Variants in NKD1 observed in about 807,000 individuals in gnomAD.
NKD1 encodes the protein NKD inhibitor of Wnt signaling pathway 1, also known as protein naked cuticle homolog 1.
In NKD1, 21 loss-of-function variants were observed where a neutral mutation model predicts 56.0. The observed-to-expected ratio is 0.38, with a 90% CI of 0.27 to 0.54. The LOEUF (loss-of-function observed/expected upper bound fraction) is 0.54. Among genes scored for constraint, NKD1 ranks in the 20% least tolerant of loss-of-function variants. NKD1 has a pLI of 0.82. For missense variants in NKD1, 578 were observed against 642.7 expected (o/e 0.90, Z 1.09); for synonymous variants, 263 against 265.7 (o/e 0.99, Z 0.10).
At chr16:50,606,501 T>C (rs1961712904) in intron 3 of NKD1, 2 of 332,002 alleles carry the variant, frequency 6.0e-6, no homozygotes, top group Admixed American at 3.9e-5. Flanking sequence ...TTTCTGAGTG[T>C]GTCAGAGAGC....
At chr16:50,622,214 G>A (rs1244537213) in intron 5 of NKD1, among the ~76,000 whole-genome samples, 2 of 152,238 alleles carry the variant, frequency 1.3e-5, no homozygotes, top group Non-Finnish European at 2.9e-5. Context: ...AGTGCTTAGA[G>A]GAGGGAGTAG....
rs566417668 is a variant in NKD1, at chr16:50,602,311, G to A, written c.193-5983G>A. On this transcript the variant is annotated intron_variant, in intron 3 of 9. Transcript: ENST00000268459. ...AGAGATCTGCCCATTGATGGGATGC[G>A]GGCTGGAACCCCAGAAGGTCTGTGC... Among the ~76,000 whole-genome samples, 5 of 152,256 alleles carry A rather than the reference G, an allele frequency of 3.3e-5. No homozygotes were observed. The East Asian group carries it at 5.8e-4, about 18-fold the overall frequency.
Position 50,630,325 on chromosome 16 carries a change from A to G in NKD1, c.602A>G (p.Asn201Ser), listed in dbSNP as rs760791820. The G allele has an allele frequency of 5.0e-6, 8 of 1,613,978 alleles. No homozygotes were observed. The African/African-American group carries it at 8.0e-5, about 16-fold the overall frequency. ...GSQSKRSVLV[N>S]QADLQSARPR... The stretch of plus-strand genomic sequence containing the variant: ...CAGAGCAAGAGGAGCGTCCTTGTCA[A>G]TCAGGCTGGTGAGGGCTGCAGGGCT... The change falls in exon 7 of 10, where the codon AAT (asparagine) becomes AGT (serine). Residue 201 changes from asparagine to serine, a missense_variant. Coordinates refer to ENST00000268459, the MANE Select transcript of NKD1 (RefSeq NM_033119.5).
At chr16:50,627,051 G>A (rs8047222) in intron 6 of NKD1, among the ~76,000 whole-genome samples, 90,552 of 151,930 alleles carry the variant, frequency 0.6, 27,791 homozygotes, top group Non-Finnish European at 0.66. Flanking sequence ...TGTGGTTTTC[G>A]GGCTGTTTCA....
At chr16:50,597,178 A>G (rs754143095) in intron 3 of NKD1, among the ~76,000 whole-genome samples, 15 of 152,034 alleles carry the variant, frequency 9.9e-5, no homozygotes, top group Non-Finnish European at 2.2e-4. Context: ...GGAGGTGGCA[A>G]TGATTGGTTT....
intron 6 of NKD1, among the ~76,000 whole-genome samples, chr16:50,629,584 C>A (rs565042433): frequency 1.3e-5 from 2 of 152,240 alleles, no homozygotes; most frequent in Non-Finnish European, 2.9e-5. Context: ...TTGGCCCCTG[C>A]AGGGAAGCCC....
At chr16:50,550,304 C>T (rs926961362) in intron 3 of NKD1, among the ~76,000 whole-genome samples, 5 of 151,992 alleles carry the variant, frequency 3.3e-5, no homozygotes, top group Non-Finnish European at 4.4e-5. Context: ...GCGTGGAACT[C>T]GCGCAAGCCT....
intron 3 of NKD1, among the ~76,000 whole-genome samples, chr16:50,576,218 A>T (rs1567338564): frequency 6.6e-6 from 1 of 152,160 alleles, no homozygotes; most frequent in Non-Finnish European, 1.5e-5. Flanking sequence ...GGTCAGATGG[A>T]GGCTTGATGG....
intron 6 of NKD1, among the ~76,000 whole-genome samples, chr16:50,629,113 G>A (rs747590739): frequency 6.6e-6 from 1 of 152,046 alleles, no homozygotes; most frequent in Non-Finnish European, 1.5e-5. Flanking sequence ...CTACAGGTGT[G>A]CACCACCACA....
At position 50,598,262 on chromosome 16, in the gene NKD1, T is replaced by TGTGTGTGTGCGCGCGCGC. The variant is rs138964473; in HGVS notation, c.193-10031_193-10030insTGTGTGTGCGCGCGCGCG. On this transcript the variant is annotated intron_variant, in intron 3 of 9. Coordinates refer to ENST00000268459, the MANE Select transcript of NKD1 (RefSeq NM_033119.5). The surrounding 1 kb of genome is among the most constrained non-coding windows in gnomAD (Gnocchi z 4.2). ...GTGTGTGTGTGTGTGTGTGTGTGTG[T>TGTGTGTGTGCGCGCGCGC]GCGCGCACACCTGTGCTCATGGACA... Among the ~76,000 whole-genome samples, 9 of 148,570 alleles carry TGTGTGTGTGCGCGCGCGC rather than the reference T, an allele frequency of 6.1e-5. No individual in the cohort carries two copies. The highest frequency in any genetic ancestry group is 2.0e-4 in the African/African-American group (8 of 39,056).
In NKD1 at chr16:50,645,625, G is replaced by C. The variant is rs527751178; in HGVS notation, c.*11844G>C. On this transcript the variant is annotated 3_prime_UTR_variant, in exon 10 of 10. Transcript: ENST00000268459. ...GACACTCTAGCCACCACCACGCAGA[G>C]AAGGGATTGGAAACAGTAGCCCGGA... 22 of 152,330 alleles carry C rather than the reference G, an allele frequency of 1.4e-4. No individual in the cohort carries two copies. Among genetic ancestry groups the C allele is most frequent in the Non-Finnish European group, 3.2e-4 (22 of 68,060 alleles). The allele number at this position is 152,330 out of a possible 1,614,324, so 9.4% of individuals were successfully genotyped here. A position where few individuals can be genotyped will look rare whatever the true frequency, so the allele number is the denominator to read the frequency against.
intron 3 of NKD1, among the ~76,000 whole-genome samples, chr16:50,584,417 A>G (rs1200771470): frequency 6.6e-6 from 1 of 152,200 alleles, no homozygotes; most frequent in Non-Finnish European, 1.5e-5. Context: ...AAATTAGTAC[A>G]TGAATGTAAT....
chr16:50,619,129 G>A (rs1308670420), intron 4 of NKD1, among the ~76,000 whole-genome samples: 1 of 152,208 alleles, frequency 6.6e-6, no homozygotes, highest in Non-Finnish European at 1.5e-5. Context: ...CTCCAGCCAG[G>A]ACCTCTGCAG....
rs117231291 is a variant in NKD1 at position 50,604,265 on chromosome 16, T to C, written c.193-4029T>C. ...CTCTCTGTGCCTCACTCATCTCATC[T>C]GTAAAACAGGGTAATCATGGCAGTC... On this transcript the variant is annotated intron_variant, in intron 3 of 9. Transcript: ENST00000268459. Among the ~76,000 whole-genome samples, 870 of 152,348 alleles carry C rather than the reference T, an allele frequency of 5.7e-3. 2 individuals are homozygous for C. The highest frequency in any genetic ancestry group is 0.017 in the Middle Eastern group (5 of 294).
In NKD1 at chr16:50,624,737, G is replaced by A. The variant is rs143946111; in HGVS notation, c.367-748G>A. On this transcript the variant is annotated intron_variant, in intron 5 of 9. Coordinates refer to ENST00000268459, the MANE Select transcript of NKD1 (RefSeq NM_033119.5). ...AGCATGCGCTCAGATTTGTCCCAGG[G>A]AGGGGTGAGGAGGCCTGGCGTTTCC... Among the ~76,000 whole-genome samples, 720 of 152,342 alleles carry A rather than the reference G, an allele frequency of 4.7e-3. 3 individuals are homozygous for A. The highest frequency in any genetic ancestry group is 0.017 in the African/African-American group (687 of 41,588).
intron 3 of NKD1, among the ~76,000 whole-genome samples, chr16:50,600,226 T>TA (rs1003960435): frequency 1.3e-5 from 2 of 151,668 alleles, no homozygotes; most frequent in South Asian, 2.1e-4. Flanking sequence ...GAATTGTCCT[T>TA]AAAAAAACAA....
intron 3 of NKD1, among the ~76,000 whole-genome samples, chr16:50,580,069 CG>C (rs1961084405): frequency 6.6e-6 from 1 of 152,020 alleles, no homozygotes; most frequent in Non-Finnish European, 1.5e-5. Context: ...ACCGGCTAGT[CG>C]CTACACATGC....
chr16:50,612,752 AAGG>A lies in NKD1; in HGVS notation c.259+4396_259+4398del, dbSNP rs34897259. Among the ~76,000 whole-genome samples the A allele has an allele frequency of 2.3e-3, 343 of 152,274 alleles. 2 individuals carry two copies. Among genetic ancestry groups the A allele is most frequent in the Admixed American group, 8.2e-3 (126 of 15,300 alleles). On this transcript the variant is annotated intron_variant, in intron 4 of 9. Transcript: ENST00000268459. ...AACTTGGTGTTTGGGGAAGAACAAA[AAGG>A]AGGCCGATGTGGCATCAGGAATGAG...
rs1387683205 is a variant in NKD1 at position 50,621,697 on chromosome 16, C to T, written c.355C>T (p.Leu119=). The T allele has an allele frequency of 6.2e-7, 1 of 1,613,514 alleles. No individual in the cohort carries two copies. The highest frequency in any genetic ancestry group is 8.5e-7 in the Non-Finnish European group (1 of 1,179,590). The change falls in exon 5 of 10, where the codon CTG becomes TTG. Residue 119 remains leucine (L), a synonymous_variant. Transcript: ENST00000268459. Reference sequence around the variant, plus strand: ...ACCCTGCCCAGGCTCCAAGAAGCAGCTGAAGTTTGAAGTAAGTTTCCTTTT... The same window carrying T: ...ACCCTGCCCAGGCTCCAAGAAGCAGTTGAAGTTTGAAGTAAGTTTCCTTTT... The part of the protein sequence containing the change: ...SEPCPGSKKQ[L]KFEELQCDVS...
Sources: gnomAD v4.1 joint callset for allele counts (sites outside exome capture counted in the v4.1 genomes callset) on GRCh38, gnomAD v4.1.1 for gene constraint, Gnocchi (gnomAD v3.1) non-coding constraint, MANE v1.5 for transcripts, NCBI Gene and HGNC (gene_info 2026-07-23, HGNC 2026-07-21) for gene names.